PRKCZ: variants seen among roughly 807,000 people sequenced by gnomAD.
The protein encoded by PRKCZ is protein kinase C zeta type.
Under a neutral mutation model 79.5 loss-of-function variants are expected in PRKCZ, and 33 were observed. That is an observed-to-expected ratio of 0.41 (90% CI 0.31 to 0.55). PRKCZ has a LOEUF of 0.55. Ranked by LOEUF, PRKCZ falls within the 20% of genes least tolerant of loss-of-function variation. PRKCZ has a pLI of 0.19. For synonymous variants in PRKCZ, 342 were observed against 320.9 expected (o/e 1.07, Z -0.70); for missense variants, 578 against 813.5 (o/e 0.71, Z 3.52).
intron 4 of PRKCZ, among the ~76,000 whole-genome samples, chr1:2,106,700 C>CA (rs1557575162): frequency 2.1e-5 from 1 of 48,424 alleles, no homozygotes; most frequent in African/African-American, 9.3e-5. Context: ...CAAGCCCCTC[C>CA]GGTGGGCGAG....
chr1:2,139,216 A>G (rs1244315881), intron 5 of PRKCZ, among the ~76,000 whole-genome samples: 3 of 152,236 alleles, frequency 2.0e-5, no homozygotes, highest in Non-Finnish European at 4.4e-5. Context: ...GTAATTGTTT[A>G]GAGATGAGGA....
In PRKCZ at chr1:2,073,741, C is replaced by T. The variant is rs574965880; in HGVS notation, c.334+14150C>T. ...CATGAGGAGGCAGGGATGTGAGGGG[C>T]GGGGGACAGGACAGCCGGCCTTCCG... is the stretch of plus-strand genomic sequence containing the variant. On this transcript the variant is annotated intron_variant, in intron 4 of 17. Transcript: ENST00000378567. 33 of 1,000,632 alleles carry T rather than the reference C, an allele frequency of 3.3e-5. No homozygotes were observed. In the East Asian group the frequency reaches 9.7e-4, roughly 29 times the overall value. The allele number at this position is 1,000,632 out of a possible 1,614,324, so 62.0% of individuals were successfully genotyped here. A position where few individuals can be genotyped will look rare whatever the true frequency, so the allele number is the denominator to read the frequency against.
At chr1:2,167,357 ATTTC>A (rs1386803975) in intron 10 of PRKCZ, among the ~76,000 whole-genome samples, 1 of 152,004 alleles carries the variant, frequency 6.6e-6, no homozygotes, top group Non-Finnish European at 1.5e-5. Context: ...GAATTCATGT[ATTTC>A]TTTATTTTCT....
At position 2,149,033 on chromosome 1, in the gene PRKCZ, G is replaced by A; in HGVS notation, c.687+109G>A. On this transcript the variant is annotated intron_variant, in intron 8 of 17. Coordinates refer to ENST00000378567, the MANE Select transcript of PRKCZ (RefSeq NM_002744.6). The surrounding 1 kb of genome is among the most constrained non-coding windows in gnomAD (Gnocchi z 4.1). ...TAGATGTGAAATAGACATGGTCCGG[G>A]GTGTTGCTAACTAATCTTCACGGGT... 1 of 1,251,758 alleles carries A rather than the reference G, an allele frequency of 8.0e-7. No individual in the cohort carries two copies. The allele number at this position is 1,251,758 out of a possible 1,614,324, so 77.5% of individuals were successfully genotyped here. A position where few individuals can be genotyped will look rare whatever the true frequency, so the allele number is the denominator to read the frequency against.
chr1:2,181,860 G>A (rs1194152189), intron 16 of PRKCZ: 1 of 456,362 alleles, frequency 2.2e-6, no homozygotes, highest in Non-Finnish European at 4.4e-6. Context: ...ACAAGTAACT[G>A]ATGAATGAAG....
chr1:2,174,902 C>A lies in PRKCZ; in HGVS notation c.1485+69C>A. ...GTGTTGGTGGGCAGAGGGCCAGGCA[C>A]GGCTGTTGGCCATTTTTTCATGTCG... On this transcript the variant is annotated intron_variant, in intron 15 of 17. Transcript: ENST00000378567. This position sits in a 1 kb window ranked among gnomAD's most constrained non-coding sequence, Gnocchi z 6.2. The A allele has an allele frequency of 6.7e-7, 1 of 1,495,542 alleles. No homozygotes were observed. Among genetic ancestry groups the A allele is most frequent in the Non-Finnish European group, 9.3e-7 (1 of 1,076,206 alleles). 92.6% of individuals were successfully genotyped at this position (1,495,542 alleles called of 1,614,324 possible). A position where few individuals can be genotyped will look rare whatever the true frequency, so the allele number is the denominator to read the frequency against.
At chr1:2,120,461 G>A (rs188786525) in intron 4 of PRKCZ, among the ~76,000 whole-genome samples, 3 of 151,630 alleles carry the variant, frequency 2.0e-5, no homozygotes, top group East Asian at 1.9e-4. Flanking sequence ...CACCATGACC[G>A]GCTAATTTTT....
chr1:2,081,155 G>T (rs886796229), intron 4 of PRKCZ, among the ~76,000 whole-genome samples: 15 of 152,238 alleles, frequency 9.9e-5, no homozygotes, highest in Non-Finnish European at 1.2e-4. Flanking sequence ...GTCAAGTTTT[G>T]CACGGGACTT....
intron 5 of PRKCZ, among the ~76,000 whole-genome samples, chr1:2,140,286 CCAGA>C (rs1308044162): frequency 3.3e-5 from 5 of 152,182 alleles, no homozygotes; most frequent in Non-Finnish European, 5.9e-5. Flanking sequence ...TGGTAAAAGC[CCAGA>C]CAGAGGCTCC....
intron 4 of PRKCZ, among the ~76,000 whole-genome samples, chr1:2,096,437 A>G (rs1435197789): frequency 6.6e-6 from 1 of 151,822 alleles, no homozygotes; most frequent in Non-Finnish European, 1.5e-5. Flanking sequence ...GAGTTTCCCC[A>G]GTTGGTGGTG....
At chr1:2,132,703 A>T (rs914376123) in intron 4 of PRKCZ, among the ~76,000 whole-genome samples, 13 of 152,054 alleles carry the variant, frequency 8.5e-5, no homozygotes, top group Admixed American at 8.5e-4. Flanking sequence ...TTTGTCTCTC[A>T]TGTGTGCAGG....
At chr1:2,065,480 C>T (rs146393551) in intron 4 of PRKCZ, among the ~76,000 whole-genome samples, 3,507 of 152,100 alleles carry the variant, frequency 0.023, 125 homozygotes, top group African/African-American at 0.081. Flanking sequence ...AGATCGAGAT[C>T]GTCCTGGTTA....
intron 4 of PRKCZ, among the ~76,000 whole-genome samples, chr1:2,063,845 CTTTT>C (rs551194608): frequency 4.0e-5 from 5 of 124,496 alleles, no homozygotes; most frequent in Admixed American, 1.6e-4. Flanking sequence ...TTGGCCATTT[CTTTT>C]TTTTTTTTTT....
At chr1:2,135,557 G>A (rs762844265) in intron 5 of PRKCZ, among the ~76,000 whole-genome samples, 11 of 152,246 alleles carry the variant, frequency 7.2e-5, no homozygotes, top group African/African-American at 1.7e-4. Flanking sequence ...CTTTCCCTGC[G>A]TGGTGGCTGC....
Position 2,173,462 on chromosome 1 carries a change from C to T in PRKCZ, c.1286-435C>T, listed in dbSNP as rs924554916. On this transcript the variant is annotated intron_variant, in intron 13 of 17. Transcript: ENST00000378567. The surrounding 1 kb of genome is among the most constrained non-coding windows in gnomAD (Gnocchi z 5.7). ...ACCCCTCATTCGCTGGAACACATTC[C>T]CAACAGGTTGACTACTTGAACCTTT... 1.3e-5 allele frequency among the ~76,000 whole-genome samples: 2 copies of T among 152,212 alleles called. No individual in the cohort carries two copies. The highest frequency in any genetic ancestry group is 2.9e-5 in the Non-Finnish European group (2 of 68,036).
At chr1:2,119,012 C>T (rs1043342236) in intron 4 of PRKCZ, among the ~76,000 whole-genome samples, 5 of 151,738 alleles carry the variant, frequency 3.3e-5, no homozygotes, top group Non-Finnish European at 7.4e-5. Flanking sequence ...TTTTGTCCCT[C>T]TTTCTTGCCT....
chr1:2,157,990 T>A (rs561634511), intron 10 of PRKCZ, among the ~76,000 whole-genome samples: 4 of 152,236 alleles, frequency 2.6e-5, no homozygotes, highest in Non-Finnish European at 5.9e-5. Flanking sequence ...GGTTCTTAGC[T>A]GTACATCTGG....
At chr1:2,096,767 C>G (rs1312796012) in intron 4 of PRKCZ, among the ~76,000 whole-genome samples, 2 of 152,172 alleles carry the variant, frequency 1.3e-5, no homozygotes, top group Non-Finnish European at 2.9e-5. Flanking sequence ...CTGAGTTTTC[C>G]TCTAGCCGAG....
intron 1 of PRKCZ, among the ~76,000 whole-genome samples, chr1:2,054,583 ATCTGCCGGGGCT>A (rs1367446895): frequency 2.0e-5 from 3 of 151,832 alleles, no homozygotes; most frequent in Non-Finnish European, 4.4e-5. Context: ...AAAAAAAAAA[ATCTGCCGGGGCT>A]TCTGCCGTGG....
Sources: allele counts gnomAD v4.1 joint callset (sites outside exome capture counted in the v4.1 genomes callset), GRCh38; gene constraint gnomAD v4.1.1; non-coding constraint Gnocchi (gnomAD v3.1); transcripts MANE v1.5; gene names NCBI Gene and HGNC (gene_info 2026-07-23, HGNC 2026-07-21).